Variants in CTNNA3 observed in about 807,000 individuals in gnomAD.
CTNNA3 encodes the protein catenin alpha 3.
Under a neutral mutation model 95.7 loss-of-function variants are expected in CTNNA3, and 76 were observed. The ratio of observed to expected loss-of-function variants is 0.79; its 90% CI spans 0.66 to 0.96. CTNNA3 has a LOEUF of 0.96. Ranked by LOEUF, CTNNA3 falls within the 40% of genes least tolerant of loss-of-function variation. CTNNA3 has a pLI of 0.00. For synonymous variants in CTNNA3, 431 were observed against 374.4 expected (o/e 1.15, Z -1.74); for missense variants, 1,191 against 1,089.8 (o/e 1.09, Z -1.31).
At chr10:67,309,932 A>T (rs2620910) in intron 5 of CTNNA3, among the ~76,000 whole-genome samples, 45,886 of 152,012 alleles carry the variant, frequency 0.3, 11,361 homozygotes, top group African/African-American at 0.68. Flanking sequence ...AAAAATTGCC[A>T]CCAAAAGTAG....
At chr10:65,996,983 T>C (rs1181114996) in intron 15 of CTNNA3, among the ~76,000 whole-genome samples, 1 of 152,038 alleles carries the variant, frequency 6.6e-6, no homozygotes, top group Non-Finnish European at 1.5e-5. Flanking sequence ...TTCCAATCTT[T>C]ATTTTTTAAA....
In CTNNA3 at chr10:67,248,395, G is replaced by A. The variant is rs116545393; in HGVS notation, c.580-28525C>T. On this transcript the variant is annotated intron_variant, in intron 5 of 17. Coordinates refer to ENST00000433211, the MANE Select transcript of CTNNA3 (RefSeq NM_013266.4). ...GCTAGGGCAACTGGATTCTTTTTTC[G>A]TGTTTTTTGTTTTTGTTTTTGTTTT... Among the ~76,000 whole-genome samples the A allele has an allele frequency of 3.9e-3, 595 of 152,060 alleles. 5 individuals are homozygous for A. The highest frequency in any genetic ancestry group is 0.014 in the African/African-American group (570 of 41,482).
At chr10:67,219,931 T>TA in intron 5 of CTNNA3, 61 bp from the exon 6 acceptor site, 1 of 1,331,350 alleles carries the variant, frequency 7.5e-7, no homozygotes, top group Non-Finnish European at 1.0e-6. Flanking sequence ...AGACTTAAAT[T>TA]AAAAAGCTTC....
chr10:66,562,264 T>C (rs1842576932), intron 10 of CTNNA3, among the ~76,000 whole-genome samples: 2 of 152,104 alleles, frequency 1.3e-5, no homozygotes, highest in African/African-American at 4.8e-5. Flanking sequence ...GACAAATTTC[T>C]CTTATTTACA....
chr10:66,073,150 G>T (rs1206560404), intron 14 of CTNNA3, among the ~76,000 whole-genome samples: 1 of 151,930 alleles, frequency 6.6e-6, no homozygotes, highest in Admixed American at 6.6e-5. Flanking sequence ...AGAAGATGTT[G>T]GTCAGAGGAT....
intron 13 of CTNNA3, among the ~76,000 whole-genome samples, chr10:66,234,031 TA>T (rs887849077): frequency 1.3e-5 from 2 of 152,144 alleles, no homozygotes; most frequent in Non-Finnish European, 2.9e-5. Context: ...TATATAAAAC[TA>T]AAAAATAACA....
chr10:66,178,399 G>GTATGTA (rs1554880207), intron 13 of CTNNA3, among the ~76,000 whole-genome samples: 1 of 91,178 alleles, frequency 1.1e-5, no homozygotes, highest in African/African-American at 3.6e-5. Context: ...CCTTGAAAGT[G>GTATGTA]TATATATATA....
intron 3 of CTNNA3, among the ~76,000 whole-genome samples, chr10:67,581,881 T>C (rs752429217): frequency 6.6e-6 from 1 of 152,202 alleles, no homozygotes; most frequent in Admixed American, 6.5e-5. Flanking sequence ...TGGTAGTTTG[T>C]ATTTCTGTGG....
chr10:67,032,927 C>T (rs1286472789), intron 7 of CTNNA3, among the ~76,000 whole-genome samples: 1 of 152,146 alleles, frequency 6.6e-6, no homozygotes, highest in Non-Finnish European at 1.5e-5. Context: ...ATTTTCAGCA[C>T]ACCATGGAAT....
chr10:66,246,502 T>C (rs1364335657), intron 13 of CTNNA3, among the ~76,000 whole-genome samples: 1 of 152,074 alleles, frequency 6.6e-6, no homozygotes, highest in Non-Finnish European at 1.5e-5. Flanking sequence ...GCCTCCTTGC[T>C]GCAGCTGGCA....
intron 15 of CTNNA3, among the ~76,000 whole-genome samples, chr10:66,054,198 A>C (rs72793428): frequency 0.18 from 27,320 of 152,096 alleles, 2,931 homozygotes; most frequent in Middle Eastern, 0.25. Context: ...TGGGAGTGCA[A>C]ATATCTCCTT....
At chr10:66,403,548 A>G (rs1400015088) in intron 11 of CTNNA3, among the ~76,000 whole-genome samples, 1 of 152,082 alleles carries the variant, frequency 6.6e-6, no homozygotes, top group African/African-American at 2.4e-5. Context: ...GCATGGAGGG[A>G]ACTGCCCCCA....
intron 5 of CTNNA3, among the ~76,000 whole-genome samples, chr10:67,343,164 TG>T (rs1413736852): frequency 6.6e-6 from 1 of 152,198 alleles, no homozygotes; most frequent in Admixed American, 6.5e-5. Context: ...TTGGCCAGGC[TG>T]GTCTCGAACT....
chr10:67,026,574 T>C (rs898104259), intron 7 of CTNNA3, among the ~76,000 whole-genome samples: 3 of 152,148 alleles, frequency 2.0e-5, no homozygotes, highest in Admixed American at 2.0e-4. Flanking sequence ...TAGCTCCTTA[T>C]ATATTAGTCA....
intron 13 of CTNNA3, among the ~76,000 whole-genome samples, chr10:66,138,581 C>A (rs906349388): frequency 3.9e-5 from 6 of 152,182 alleles, no homozygotes; most frequent in Admixed American, 2.6e-4. Context: ...ATAATTCCAG[C>A]ACTTTGGGAG....
At chr10:67,188,919 C>T (rs1862990536) in intron 6 of CTNNA3, among the ~76,000 whole-genome samples, 1 of 151,970 alleles carries the variant, frequency 6.6e-6, no homozygotes, top group African/African-American at 2.4e-5. Flanking sequence ...GAGTTCAAGA[C>T]CAGCCTGGGC....
intron 1 of CTNNA3, among the ~76,000 whole-genome samples, chr10:67,677,749 AT>A (rs1418909501): frequency 3.3e-5 from 5 of 152,190 alleles, no homozygotes; most frequent in African/African-American, 9.7e-5. Flanking sequence ...AAAGAATGAC[AT>A]ATTGTACTCT....
chr10:66,373,715 T>A (rs1219373328), intron 12 of CTNNA3, among the ~76,000 whole-genome samples: 1 of 152,204 alleles, frequency 6.6e-6, no homozygotes, highest in Non-Finnish European at 1.5e-5. Context: ...GGCTCCCAAA[T>A]GTGAAAGCAC....
At chr10:66,530,181 A>AACAAAATCACCAATACGTAGGGTTTGT (rs1841417919) in intron 10 of CTNNA3, among the ~76,000 whole-genome samples, 1 of 152,218 alleles carries the variant, frequency 6.6e-6, no homozygotes, top group Non-Finnish European at 1.5e-5. Flanking sequence ...GTGGATTAAA[A>AACAAAATCACCAATACGTAGGGTTTGT]AGATGATTTA....
Sources: gnomAD v4.1 joint callset for allele counts (sites outside exome capture counted in the v4.1 genomes callset) on GRCh38, gnomAD v4.1.1 for gene constraint, MANE v1.5 for transcripts, NCBI Gene and HGNC (gene_info 2026-07-23, HGNC 2026-07-21) for gene names.